POLK: variants seen among roughly 807,000 people sequenced by gnomAD.
POLK encodes the protein DNA polymerase kappa.
POLK carries 76 observed loss-of-function variants against 94.0 expected under a neutral mutation model. The ratio of observed to expected loss-of-function variants is 0.81; its 90% CI spans 0.67 to 0.98. The LOEUF is 0.98. Ranked by LOEUF, POLK falls within the 50% of genes least tolerant of loss-of-function variation. The probability of loss-of-function intolerance (pLI) is 0.00; values close to 1 mark genes in which losing one functional copy is unlikely to be tolerated. For synonymous variants in POLK, 349 were observed against 325.4 expected (o/e 1.07, Z -0.78); for missense variants, 954 against 1,010.1 (o/e 0.94, Z 0.75).
chr5:75,550,917 C>T (rs1331024923), intron 2 of POLK, among the ~76,000 whole-genome samples: 1 of 151,976 alleles, frequency 6.6e-6, no homozygotes, highest in Non-Finnish European at 1.5e-5. Flanking sequence ...CCAGTGCAGT[C>T]AGGCAATAAA....
At chr5:75,549,141 C>CT (rs902208154) in intron 2 of POLK, among the ~76,000 whole-genome samples, 3 of 152,018 alleles carry the variant, frequency 2.0e-5, no homozygotes, top group Non-Finnish European at 4.4e-5. Context: ...TTTCCTGAGA[C>CT]TTTTTTGATA....
At chr5:75,510,853 C>A (rs534192376), upstream of POLK, among the ~76,000 whole-genome samples, 2 of 152,290 alleles carry the variant, frequency 1.3e-5, no homozygotes, top group Admixed American at 1.3e-4. Flanking sequence ...AGTCCCAAGT[C>A]ACGGCGCGCA....
At chr5:75,529,382 A>C (rs1007553272) in intron 1 of POLK, among the ~76,000 whole-genome samples, 2 of 149,406 alleles carry the variant, frequency 1.3e-5, no homozygotes, top group South Asian at 4.5e-4. Context: ...GTCATAGGTC[A>C]TGACCTACCC....
intron 1 of POLK, among the ~76,000 whole-genome samples, chr5:75,522,510 G>A (rs1768635823): frequency 6.6e-6 from 1 of 152,116 alleles, no homozygotes; most frequent in Non-Finnish European, 1.5e-5. Flanking sequence ...GTTAATAAAA[G>A]CCACTAAAAA....
chr5:75,564,515 C>T (rs1485247411), intron 3 of POLK, among the ~76,000 whole-genome samples: 7 of 152,212 alleles, frequency 4.6e-5, no homozygotes, highest in Admixed American at 6.5e-5. Context: ...TATGCTTTTG[C>T]AGTGCCTGGT....
intron 1 of POLK, among the ~76,000 whole-genome samples, chr5:75,515,669 T>C (rs1414122532): frequency 6.6e-6 from 1 of 152,248 alleles, no homozygotes; most frequent in Non-Finnish European, 1.5e-5. Context: ...TTAAGTTTTC[T>C]GAGGAACCTC....
intron 13 of POLK, 76 bp downstream of exon 13, chr5:75,597,254 A>C: frequency 1.3e-6 from 1 of 799,624 alleles, no homozygotes; most frequent in South Asian, 1.7e-5. Context: ...TTGTTGTTAA[A>C]TCTGAAACAT....
At chr5:75,510,954 C>T (rs773907329), upstream of POLK, among the ~76,000 whole-genome samples, 43 of 152,290 alleles carry the variant, frequency 2.8e-4, no homozygotes, top group Non-Finnish European at 5.6e-4. Flanking sequence ...AGGACAGTGC[C>T]CCTATATCCC....
chr5:75,558,324 G>A (rs922593126), intron 3 of POLK, among the ~76,000 whole-genome samples: 1 of 151,264 alleles, frequency 6.6e-6, no homozygotes, highest in African/African-American at 2.4e-5. Context: ...ATAGCTCTTG[G>A]CATACTCATA....
chr5:75,540,054 A>G (rs1769659602), intron 1 of POLK, among the ~76,000 whole-genome samples: 2 of 152,210 alleles, frequency 1.3e-5, no homozygotes, highest in African/African-American at 2.4e-5. Flanking sequence ...TCAAGAAACA[A>G]TATCAAGGTT....
chr5:75,554,567 G>A (rs536606972), intron 3 of POLK, among the ~76,000 whole-genome samples: 28 of 151,822 alleles, frequency 1.8e-4, no homozygotes, highest in African/African-American at 5.6e-4. Flanking sequence ...AACTGGTGTC[G>A]TGGGGGTTTG....
chr5:75,521,229 C>G (rs1370405980), intron 1 of POLK, among the ~76,000 whole-genome samples: 1 of 152,078 alleles, frequency 6.6e-6, no homozygotes, highest in Non-Finnish European at 1.5e-5. Flanking sequence ...ACCAGTAATT[C>G]TTAGATTTAG....
chr5:75,577,004 T>A, intron 6 of POLK, 71 bp downstream of exon 6: 1 of 903,196 alleles, frequency 1.1e-6, no homozygotes, highest in Non-Finnish European at 1.6e-6. Context: ...TTTGAATTAA[T>A]CCAATTAATT....
downstream of POLK, among the ~76,000 whole-genome samples, chr5:75,603,500 AGG>A (rs1372012318): frequency 2.6e-5 from 4 of 152,024 alleles, no homozygotes; most frequent in East Asian, 7.7e-4. Context: ...GAGTAGGAAA[AGG>A]GAGTGATTTT....
At chr5:75,602,411 C>G (rs574668069), downstream of POLK, among the ~76,000 whole-genome samples, 3 of 152,138 alleles carry the variant, frequency 2.0e-5, no homozygotes, top group Non-Finnish European at 4.4e-5. Context: ...GGAAATTCCA[C>G]GAGCTCAGGT....
chr5:75,576,085 G>A (rs1275381525), intron 5 of POLK, among the ~76,000 whole-genome samples: 1 of 152,038 alleles, frequency 6.6e-6, no homozygotes, highest in Non-Finnish European at 1.5e-5. Flanking sequence ...TGAATTAAAA[G>A]CCACTATAAT....
chr5:75,524,668 A>G (rs994247119), intron 1 of POLK, among the ~76,000 whole-genome samples: 2 of 152,186 alleles, frequency 1.3e-5, no homozygotes, highest in Admixed American at 6.5e-5. Context: ...AAAAACAGAT[A>G]GATTTTGGAG....
In POLK at chr5:75,571,542, A is replaced by G. The variant is rs5744635; in HGVS notation, c.408+2050A>G. Reference sequence around the variant, plus strand: ...CAATTTAACTGAGGCTAAAAAATCCAAGGTGGCTTCATTCATAGGTCTGGC... The same window carrying G: ...CAATTTAACTGAGGCTAAAAAATCCGAGGTGGCTTCATTCATAGGTCTGGC... On this transcript the variant is annotated intron_variant, in intron 4 of 14. Coordinates refer to ENST00000241436, the Ensembl canonical transcript of POLK. 1.8e-3 allele frequency among the ~76,000 whole-genome samples: 281 copies of G among 152,296 alleles called. 2 individuals carry two copies. The highest frequency in any genetic ancestry group is 0.015 in the Admixed American group (231 of 15,286).
chr5:75,567,907 C>T lies in POLK; in HGVS notation c.256-1433C>T, dbSNP rs1336248755. On this transcript the variant is annotated intron_variant, in intron 3 of 14. Coordinates refer to ENST00000241436, the Ensembl canonical transcript of POLK. ...AAGCCTCCTACAGATTTCACTGTAC[C>T]TCCTGTAGACAAACATGAGTCAGGG... Among the ~76,000 whole-genome samples, 3 of 152,114 alleles carry T rather than the reference C, an allele frequency of 2.0e-5. No homozygotes were observed. In the East Asian group the frequency reaches 5.8e-4, roughly 29 times the overall value.
Sources: gnomAD v4.1 joint callset for allele counts (sites outside exome capture counted in the v4.1 genomes callset) on GRCh38, gnomAD v4.1.1 for gene constraint, MANE v1.5 for transcripts, NCBI Gene and HGNC (gene_info 2026-07-23, HGNC 2026-07-21) for gene names.